SEL1L3: variants seen among roughly 807,000 people sequenced by gnomAD.
SEL1L3 encodes the protein protein sel-1 homolog 3.
Under a neutral mutation model 142.8 loss-of-function variants are expected in SEL1L3, and 76 were observed. The observed-to-expected ratio is 0.53, with a 90% confidence interval of 0.44 to 0.64. SEL1L3 has a LOEUF of 0.64. SEL1L3 is among the 30% of genes least tolerant of loss of function. SEL1L3 has a pLI of 0.00. For synonymous variants in SEL1L3, 504 were observed against 519.6 expected (o/e 0.97, Z 0.41); for missense variants, 1,262 against 1,381.7 (o/e 0.91, Z 1.37).
In SEL1L3 at chr4:25,788,568, T is replaced by TTG; in HGVS notation, c.2077-205_2077-204insCA. 8.5e-6 allele frequency among the ~76,000 whole-genome samples: 1 copy of TTG among 117,942 alleles called. No homozygotes were observed. The highest frequency in any genetic ancestry group is 1.7e-5 in the Non-Finnish European group (1 of 58,058). 77.4% of individuals were successfully genotyped at this position (117,942 alleles called of 152,430 possible). ...GCCCTTAATGCAAGCCAGAAATGGT[T>TTG]CGTGTGTGTGTGTGTGTGTGTGTGT... On this transcript the variant is annotated intron_variant, in intron 12 of 23. Coordinates refer to ENST00000399878, the MANE Select transcript of SEL1L3 (RefSeq NM_015187.5). The surrounding 1 kb of genome is among the most constrained non-coding windows in gnomAD (Gnocchi z 5.3).
At chr4:25,756,798 G>A (rs1194304018) in intron 23 of SEL1L3, 9 of 1,227,394 alleles carry the variant, frequency 7.3e-6, no homozygotes, top group Non-Finnish European at 9.4e-6. Context: ...TATTCATTAC[G>A]AGTGTTTGTT....
chr4:25,715,415 C>T, the SEL1L3 span, among the ~76,000 whole-genome samples: 672 of 152,084 alleles, frequency 4.4e-3, 7 homozygotes, highest in African/African-American at 0.015. Flanking sequence ...GGTAAAAATC[C>T]AGAAGTCTGA....
intron 23 of SEL1L3, among the ~76,000 whole-genome samples, chr4:25,748,833 G>A (rs1456792879): frequency 6.6e-6 from 1 of 152,192 alleles, no homozygotes; most frequent in Non-Finnish European, 1.5e-5. Context: ...GGAAGTTTAA[G>A]AATGGGTCCC....
intron 23 of SEL1L3, 97 bp from the exon 24 acceptor site, chr4:25,748,661 C>A: frequency 1.5e-6 from 2 of 1,314,662 alleles, no homozygotes; most frequent in Non-Finnish European, 2.1e-6. Context: ...AGGAGAGATG[C>A]ATCTAGTCTA....
intron 11 of SEL1L3, among the ~76,000 whole-genome samples, chr4:25,793,165 G>A (rs1451684691): frequency 1.3e-5 from 2 of 152,194 alleles, no homozygotes; most frequent in Non-Finnish European, 2.9e-5. Context: ...TCTTCAAATT[G>A]AGGAGTCAAA....
chr4:25,781,401 G>T (rs969045958), intron 15 of SEL1L3, among the ~76,000 whole-genome samples: 2 of 152,068 alleles, frequency 1.3e-5, no homozygotes, highest in Non-Finnish European at 2.9e-5. Context: ...ACTTTGGGTG[G>T]TGGAGGTGGG....
the SEL1L3 span, among the ~76,000 whole-genome samples, chr4:25,723,606 T>C: frequency 6.6e-6 from 1 of 152,220 alleles, no homozygotes; most frequent in African/African-American, 2.4e-5. Flanking sequence ...TGTGGTCATG[T>C]CAATATTGCT....
intron 3 of SEL1L3, 94 bp from the exon 4 acceptor site, chr4:25,833,663 C>A: frequency 8.8e-7 from 1 of 1,138,222 alleles, no homozygotes; most frequent in Non-Finnish European, 1.2e-6. Flanking sequence ...TGCTTTCTTT[C>A]CAATGAATGG....
intron 16 of SEL1L3, 46 bp from the exon 17 acceptor site, chr4:25,776,406 T>A: frequency 7.5e-7 from 1 of 1,338,988 alleles, no homozygotes; most frequent in Non-Finnish European, 1.1e-6. Flanking sequence ...ATGGCAAATT[T>A]AATAAAATGT....
chr4:25,779,843 G>A (rs1719879421), intron 15 of SEL1L3, among the ~76,000 whole-genome samples: 1 of 152,128 alleles, frequency 6.6e-6, no homozygotes, highest in Non-Finnish European at 1.5e-5. Flanking sequence ...AGGCAGGCTT[G>A]GTTCAAATCC....
Position 25,748,288 on chromosome 4 carries a change from A to G in SEL1L3, c.*137T>C, listed in dbSNP as rs1205863316. ...TCCTTGTAATTTGACTTTAAAAAAA[A>G]TGACACCAATTGCAAAATTTGCATC... On this transcript the variant is annotated 3_prime_UTR_variant, in exon 24 of 24. Transcript: ENST00000399878. 11 of 852,676 alleles carry G rather than the reference A, an allele frequency of 1.3e-5. No individual in the cohort carries two copies. The East Asian group carries it at 3.0e-4, about 23-fold the overall frequency. The allele number at this position is 852,676 out of a possible 1,614,324, so 52.8% of individuals were successfully genotyped here. A position where few individuals can be genotyped will look rare whatever the true frequency, so the allele number is the denominator to read the frequency against.
chr4:25,855,388 G>A (rs1325109722), intron 1 of SEL1L3, among the ~76,000 whole-genome samples: 2 of 152,210 alleles, frequency 1.3e-5, no homozygotes, highest in Non-Finnish European at 2.9e-5. Context: ...CAGAGTCCAT[G>A]TCATTGTTAT....
the SEL1L3 span, among the ~76,000 whole-genome samples, chr4:25,732,114 A>C: frequency 3.3e-5 from 5 of 151,994 alleles, no homozygotes; most frequent in Non-Finnish European, 7.4e-5. Flanking sequence ...AAAGAGAGAG[A>C]AAGAGAGGCT....
intron 15 of SEL1L3, among the ~76,000 whole-genome samples, chr4:25,781,924 G>A (rs1385145141): frequency 7.2e-5 from 11 of 152,120 alleles, no homozygotes; most frequent in Non-Finnish European, 1.2e-4. Flanking sequence ...TCCATCTCAC[G>A]CTTATTCCTG....
At chr4:25,847,112 C>T (rs959080835) in intron 2 of SEL1L3, among the ~76,000 whole-genome samples, 182 bp downstream of exon 2, 1 of 152,058 alleles carries the variant, frequency 6.6e-6, no homozygotes, top group South Asian at 2.1e-4. Context: ...AATCTTTCTC[C>T]TCTCTTCCCC....
At chr4:25,826,676 T>G (rs1715116107) in intron 6 of SEL1L3, among the ~76,000 whole-genome samples, 1 of 152,004 alleles carries the variant, frequency 6.6e-6, no homozygotes, top group African/African-American at 2.4e-5. Flanking sequence ...GTTTGTTTTG[T>G]TTTTTGTTTT....
chr4:25,807,741 G>A (rs1007383215), intron 9 of SEL1L3, among the ~76,000 whole-genome samples: 2 of 151,966 alleles, frequency 1.3e-5, no homozygotes, highest in African/African-American at 2.4e-5. Flanking sequence ...CCCCTGGCAC[G>A]GAACCCCAGA....
At chr4:25,822,718 G>A (rs369000481) in intron 6 of SEL1L3, among the ~76,000 whole-genome samples, 1 of 152,196 alleles carries the variant, frequency 6.6e-6, no homozygotes, top group African/African-American at 2.4e-5. Flanking sequence ...GTGAGCACAG[G>A]TGATGAGTTG....
In SEL1L3 at chr4:25,847,328, C is replaced by G. The variant is rs1716586773; in HGVS notation, c.699G>C (p.Arg233=). Residue 233 remains arginine (R), a synonymous_variant, in exon 2 of 24, where the codon CGG becomes CGC. Coordinates refer to ENST00000399878, the MANE Select transcript of SEL1L3 (RefSeq NM_015187.5). ...GAGGACACTGTGGAATCCTGTTTGC[C>G]CGAAGGTTCCAAATATAACCCATGT... ...EWNMGYIWNL[R]ANRIPQCPLE... 6.2e-7 allele frequency: 1 copy of G among 1,613,692 alleles called. No individual in the cohort carries two copies. The highest frequency in any genetic ancestry group is 8.5e-7 in the Non-Finnish European group (1 of 1,179,770).
Sources: allele counts gnomAD v4.1 joint callset (sites outside exome capture counted in the v4.1 genomes callset), GRCh38; gene constraint gnomAD v4.1.1; non-coding constraint Gnocchi (gnomAD v3.1); transcripts MANE v1.5; gene names NCBI Gene and HGNC (gene_info 2026-07-23, HGNC 2026-07-21).